The following OPHN1 variants were observed in gnomAD, a reference collection of about 807,000 sequenced individuals.
OPHN1 encodes oligophrenin-1.
Under a neutral mutation model 60.7 loss-of-function variants are expected in OPHN1, and 11 were observed. The observed-to-expected ratio is 0.18, with a 90% CI of 0.11 to 0.30. The LOEUF is 0.30. Among genes scored for constraint, OPHN1 ranks in the 10% least tolerant of loss-of-function variants. OPHN1 has a pLI of 1.00. For missense variants in OPHN1, 449 were observed against 611.0 expected (o/e 0.73, Z 2.80); for synonymous variants, 226 against 222.6 (o/e 1.02, Z -0.14).
chrX:68,326,013 G>A (rs1167101365), intron 2 of OPHN1, among the ~76,000 whole-genome samples: 15 of 7,785 alleles, frequency 1.9e-3, no homozygotes, highest in South Asian at 0.012. Context: ...TTGCAGGCGC[G>A]CGCCGCCACG....
rs111957792 is a variant in OPHN1, at chrX:68,423,439, G to GT, written c.154+9427dup. On this transcript the variant is annotated intron_variant, in intron 2 of 24. Transcript: ENST00000355520. ...TGTCACCTGTTTCTCCAAACACAAT[G>GT]TTTTTTTTTTTTTCAAACAGCTCTG... Among the ~76,000 whole-genome samples the GT allele has an allele frequency of 8.7e-3, 878 of 101,000 alleles. 9 individuals are homozygous for GT. Among genetic ancestry groups the GT allele is most frequent in the African/African-American group, 0.026 (717 of 27,929 alleles). The allele number at this position is 101,000 out of a possible 115,157, so 87.7% of individuals were successfully genotyped here.
intron 12 of OPHN1, among the ~76,000 whole-genome samples, chrX:68,195,003 AAAGGAAGGAAGGAAGGAAGGAAGGAAGG>A (rs747674245): frequency 1.6e-3 from 96 of 58,734 alleles, no homozygotes; most frequent in African/African-American, 5.9e-3. Context: ...AGAGAGAAAG[AAAGGAAGGAAGGAAGGAAGGAAGGAAGG>A]AAGGAAGGAA....
At chrX:68,181,322 A>G (rs942869341) in intron 15 of OPHN1, among the ~76,000 whole-genome samples, 4 of 111,652 alleles carry the variant, frequency 3.6e-5, no homozygotes, top group African/African-American at 1.3e-4. Flanking sequence ...GACTGATAAG[A>G]TCCTGCAAAA....
At chrX:68,363,262 T>A (rs191432435) in intron 2 of OPHN1, among the ~76,000 whole-genome samples, 85 of 110,383 alleles carry the variant, frequency 7.7e-4, no homozygotes, top group Admixed American at 1.3e-3. Context: ...CAAATTTTTT[T>A]AAAAAAAATT....
chrX:68,194,372 G>A (rs1162326145), intron 13 of OPHN1, 93 bp downstream of exon 13: 5 of 742,893 alleles, frequency 6.7e-6, no homozygotes, highest in Admixed American at 2.2e-5. Context: ...TCAGACTTGC[G>A]TTAGTAGTAC....
intron 15 of OPHN1, among the ~76,000 whole-genome samples, chrX:68,188,110 A>G (rs1257128263): frequency 1.8e-5 from 2 of 112,200 alleles, no homozygotes; most frequent in African/African-American, 6.5e-5. Context: ...TATGTCAACA[A>G]CTGAAATTAT....
Position 68,052,555 on chromosome X carries a change from G to C in OPHN1, c.2360C>G (p.Ser787Cys). 8.3e-6 allele frequency: 10 copies of C among 1,207,351 alleles called. No individual in the cohort carries two copies. The highest frequency in any genetic ancestry group is 1.1e-5 in the Non-Finnish European group (10 of 893,206). ...ASRTRFFETASRKTGSSQGRL... is the reference protein window; with the variant it reads ...ASRTRFFETACRKTGSSQGRL... ...CATATCTTACCTTCCTGTTTTCCGG[G>C]AAGCTGTTTCAAAAAACCTGGTCCT... Residue 787 changes from serine (S) to cysteine (C), a missense_variant, in exon 23 of 25, where the codon TCC (serine) becomes TGC (cysteine). This residue lies in a region of OPHN1 where 184 missense variants were observed against 160.5 expected (regional missense o/e 1.15). Coordinates refer to ENST00000355520, the MANE Select transcript of OPHN1 (RefSeq NM_002547.3).
intron 21 of OPHN1, 61 bp from the exon 22 acceptor site, chrX:68,053,871 G>T: frequency 8.7e-7 from 1 of 1,143,988 alleles, no homozygotes; most frequent in Non-Finnish European, 1.2e-6. Context: ...CTACTCATGA[G>T]CAGGCACCCA....
intron 15 of OPHN1, among the ~76,000 whole-genome samples, chrX:68,166,427 G>A (rs1212952543): frequency 2.7e-5 from 3 of 111,153 alleles, no homozygotes; most frequent in Admixed American, 9.6e-5. Context: ...CCAGCAACTC[G>A]GGAGGCTGAG....
At chrX:68,101,379 A>T (rs534427334) in intron 18 of OPHN1, among the ~76,000 whole-genome samples, 3 of 112,339 alleles carry the variant, frequency 2.7e-5, no homozygotes, top group African/African-American at 9.7e-5. Context: ...GATAAGTGTA[A>T]TTTTAAGAAA....
chrX:68,248,082 C>T (rs147210626), intron 5 of OPHN1, among the ~76,000 whole-genome samples: 98 of 110,858 alleles, frequency 8.8e-4, no homozygotes, highest in Admixed American at 2.9e-3. Context: ...AACTTCATAT[C>T]GCCGAAAGGA....
intron 17 of OPHN1, among the ~76,000 whole-genome samples, chrX:68,112,612 G>C (rs1019263618): frequency 2.7e-5 from 3 of 112,505 alleles, no homozygotes; most frequent in African/African-American, 9.7e-5. Context: ...GAGGTGGAGA[G>C]GGGCACTCAT....
At chrX:68,260,266 C>A (rs1180564705) in intron 5 of OPHN1, among the ~76,000 whole-genome samples, 4 of 109,847 alleles carry the variant, frequency 3.6e-5, no homozygotes, top group Non-Finnish European at 7.6e-5. Context: ...AGCAGGTAAT[C>A]TTTCGTGACT....
At position 68,133,275 on chromosome X, in the gene OPHN1, GAAT is replaced by G. The variant is rs921188351; in HGVS notation, c.1277-13946_1277-13944del. 68 of 630,966 alleles carry G rather than the reference GAAT, an allele frequency of 1.1e-4. 1 individual carries two copies. The South Asian group carries it at 1.3e-3, about 12-fold the overall frequency. The allele number at this position is 630,966 out of a possible 1,213,427, so 52.0% of individuals were successfully genotyped here. A position where few individuals can be genotyped will look rare whatever the true frequency, so the allele number is the denominator to read the frequency against. ...CCCACATTTACCCTCTGACAAATCGGAATAATACGTGAGTGTGTCTTAGACTAT... is the reference window on the plus strand; with the variant it reads ...CCCACATTTACCCTCTGACAAATCGGAATACGTGAGTGTGTCTTAGACTAT... On this transcript the variant is annotated intron_variant, in intron 15 of 24. Coordinates refer to ENST00000355520, the MANE Select transcript of OPHN1 (RefSeq NM_002547.3).
At chrX:68,411,003 C>G (rs1485027818) in intron 2 of OPHN1, among the ~76,000 whole-genome samples, 3 of 111,883 alleles carry the variant, frequency 2.7e-5, no homozygotes, top group African/African-American at 9.7e-5. Flanking sequence ...AGGGAAAACT[C>G]CCTCCATCCT....
At position 68,407,545 on chromosome X, in the gene OPHN1, C is replaced by G. The variant is rs189761608; in HGVS notation, c.154+25322G>C. Among the ~76,000 whole-genome samples the G allele has an allele frequency of 2.7e-5, 3 of 111,773 alleles. No homozygotes were observed. In the Admixed American group the frequency reaches 2.9e-4, roughly 11 times the overall value. ...CCTCAGTATTCCCATCTGTAAAATG[C>G]GGGCATCGATATGTACCTCAATGGA... On this transcript the variant is annotated intron_variant, in intron 2 of 24. Coordinates refer to ENST00000355520, the MANE Select transcript of OPHN1 (RefSeq NM_002547.3).
intron 15 of OPHN1, among the ~76,000 whole-genome samples, chrX:68,142,926 G>C (rs2077249580): frequency 8.9e-6 from 1 of 111,894 alleles, no homozygotes; most frequent in East Asian, 2.8e-4. Context: ...TGTTACATCT[G>C]ATTGAAATTT....
intron 2 of OPHN1, among the ~76,000 whole-genome samples, chrX:68,403,105 C>T (rs1006866757): frequency 4.5e-5 from 5 of 112,011 alleles, no homozygotes; most frequent in African/African-American, 1.6e-4. Flanking sequence ...AAAGCAAAGC[C>T]AAAGATGGAG....
At chrX:68,270,133 T>A (rs975626423) in intron 5 of OPHN1, among the ~76,000 whole-genome samples, 1 of 111,195 alleles carries the variant, frequency 9.0e-6, no homozygotes, top group Non-Finnish European at 1.9e-5. Flanking sequence ...ACTTTTACAC[T>A]GTTGGTGGGA....
Sources: allele counts gnomAD v4.1 joint callset (sites outside exome capture counted in the v4.1 genomes callset), GRCh38; gene constraint gnomAD v4.1.1; regional missense constraint gnomAD v4.1.1; transcripts MANE v1.5; gene names NCBI Gene and HGNC (gene_info 2026-07-23, HGNC 2026-07-21).